VPS13B: variants seen among roughly 807,000 people sequenced by gnomAD.
VPS13B encodes intermembrane lipid transfer protein VPS13B.
Under a neutral mutation model 426.4 loss-of-function variants are expected in VPS13B, and 285 were observed. The observed-to-expected ratio is 0.67, with a 90% CI of 0.61 to 0.74. The LOEUF is 0.74. VPS13B is among the 30% of genes least tolerant of loss of function. The pLI is 0.00. For missense variants in VPS13B, 4,537 were observed against 4,782.6 expected (o/e 0.95, Z 1.51); for synonymous variants, 1,676 against 1,676.4 (o/e 1.00, Z 0.01).
chr8:99,779,924 C>G (rs2130684559), intron 42 of VPS13B, among the ~76,000 whole-genome samples: 1 of 152,242 alleles, frequency 6.6e-6, no homozygotes, highest in South Asian at 2.1e-4. Flanking sequence ...CACTGACCTC[C>G]TTTTGGGATG....
chr8:99,515,581 G>A (rs1038414444), intron 29 of VPS13B, among the ~76,000 whole-genome samples: 1 of 152,086 alleles, frequency 6.6e-6, no homozygotes, highest in Non-Finnish European at 1.5e-5. Flanking sequence ...GTTGTCTTTG[G>A]AAAACATAAT....
In VPS13B at chr8:99,661,508, A is replaced by G; in HGVS notation, c.6046+17A>G. 6.2e-7 allele frequency: 1 copy of G among 1,611,084 alleles called. No individual in the cohort carries two copies. The highest frequency in any genetic ancestry group is 8.5e-7 in the Non-Finnish European group (1 of 1,179,320). Reference sequence around the variant, plus strand: ...ATGGACCAGGTAAGAAAGTCATAAAATTTACATGTGTGTACATTTTTTATG... The same window carrying G: ...ATGGACCAGGTAAGAAAGTCATAAAGTTTACATGTGTGTACATTTTTTATG... On this transcript the variant is annotated intron_variant, in intron 35 of 61. Transcript: ENST00000357162.
At chr8:99,406,554 G>A (rs1271065425) in intron 21 of VPS13B, among the ~76,000 whole-genome samples, 1 of 152,124 alleles carries the variant, frequency 6.6e-6, no homozygotes, top group African/African-American at 2.4e-5. Context: ...CACTTCGTGT[G>A]CATAATCTTC....
intron 33 of VPS13B, among the ~76,000 whole-genome samples, chr8:99,614,710 A>G (rs962636976): frequency 2.0e-5 from 3 of 152,206 alleles, no homozygotes; most frequent in Admixed American, 6.5e-5. Context: ...ATGATTTAAA[A>G]CAGAACTTTA....
chr8:99,514,363 C>T (rs1045556858), intron 29 of VPS13B, among the ~76,000 whole-genome samples: 2 of 152,206 alleles, frequency 1.3e-5, no homozygotes, highest in African/African-American at 4.8e-5. Flanking sequence ...TAATTACATT[C>T]ATAATGTTGT....
chr8:99,847,393 A>AGGGAT, intron 54 of VPS13B, among the ~76,000 whole-genome samples: 1 of 152,330 alleles, frequency 6.6e-6, no homozygotes, highest in Non-Finnish European at 1.5e-5. Context: ...AGAATGTAGA[A>AGGGAT]GTAGGTGTCA....
At chr8:99,840,631 T>C (rs986405887) in intron 54 of VPS13B, among the ~76,000 whole-genome samples, 1 of 152,140 alleles carries the variant, frequency 6.6e-6, no homozygotes, top group Non-Finnish European at 1.5e-5. Context: ...AATAAGAAAA[T>C]GCATCTAAAA....
chr8:99,747,402 G>T (rs1203962442), intron 39 of VPS13B, among the ~76,000 whole-genome samples: 2 of 152,002 alleles, frequency 1.3e-5, no homozygotes, highest in Non-Finnish European at 2.9e-5. Context: ...TGTGATTAAG[G>T]ATATATAGGT....
At chr8:99,212,562 C>G (rs1012284746) in intron 17 of VPS13B, among the ~76,000 whole-genome samples, 1 of 152,172 alleles carries the variant, frequency 6.6e-6, no homozygotes, top group African/African-American at 2.4e-5. Flanking sequence ...TGAGAAATCT[C>G]AGAGAAATAG....
intron 31 of VPS13B, among the ~76,000 whole-genome samples, chr8:99,571,409 A>G (rs1825467002): frequency 6.6e-6 from 1 of 152,164 alleles, no homozygotes; most frequent in Non-Finnish European, 1.5e-5. Flanking sequence ...AATATTTACC[A>G]GAGATATCAT....
chr8:99,543,550 T>C (rs1157212055), intron 30 of VPS13B, among the ~76,000 whole-genome samples: 5 of 151,916 alleles, frequency 3.3e-5, no homozygotes, highest in Admixed American at 2.0e-4. Context: ...AGAAAATTTT[T>C]GCAACCTACT....
chr8:99,852,502 G>A (rs960906129), intron 55 of VPS13B, among the ~76,000 whole-genome samples: 1 of 152,216 alleles, frequency 6.6e-6, no homozygotes, highest in Non-Finnish European at 1.5e-5. Flanking sequence ...AGAAGTAGAA[G>A]AGCTGAGAGA....
At chr8:99,278,068 A>G (rs576007598) in intron 19 of VPS13B, among the ~76,000 whole-genome samples, 1 of 152,270 alleles carries the variant, frequency 6.6e-6, no homozygotes, top group South Asian at 2.1e-4. Flanking sequence ...GTTTTCAGAA[A>G]CAGATAGATG....
chr8:99,808,948 T>G (rs1813554697), intron 43 of VPS13B, among the ~76,000 whole-genome samples: 1 of 151,928 alleles, frequency 6.6e-6, no homozygotes, highest in Non-Finnish European at 1.5e-5. Flanking sequence ...AAAAAAGGTA[T>G]GACAATTGAT....
chr8:99,365,428 C>T (rs1409561302), intron 19 of VPS13B, among the ~76,000 whole-genome samples: 1 of 151,144 alleles, frequency 6.6e-6, no homozygotes, highest in East Asian at 1.9e-4. Flanking sequence ...TTATAAACTC[C>T]CCCTTAGTCC....
At chr8:99,340,561 G>T in intron 19 of VPS13B, 1 of 462,478 alleles carries the variant, frequency 2.2e-6, no homozygotes, top group Non-Finnish European at 4.3e-6. Flanking sequence ...CACCTGGGTG[G>T]TAATTATCAG....
chr8:99,332,803 T>C (rs1368547802), intron 19 of VPS13B, among the ~76,000 whole-genome samples: 1 of 151,754 alleles, frequency 6.6e-6, no homozygotes, highest in Non-Finnish European at 1.5e-5. Context: ...TTTTTGTCCA[T>C]TTATTTATGT....
intron 33 of VPS13B, among the ~76,000 whole-genome samples, chr8:99,599,218 T>C (rs936535734): frequency 4.1e-4 from 63 of 152,140 alleles, no homozygotes; most frequent in African/African-American, 1.5e-3. Context: ...GCCCCTGTCC[T>C]CTCAAGGTTA....
intron 39 of VPS13B, among the ~76,000 whole-genome samples, chr8:99,739,800 T>G (rs942072235): frequency 6.6e-6 from 1 of 152,084 alleles, no homozygotes; most frequent in African/African-American, 2.4e-5. Context: ...AGAAAGGACA[T>G]CCACACCAAA....
Sources: gnomAD v4.1 joint callset for allele counts (sites outside exome capture counted in the v4.1 genomes callset) on GRCh38, gnomAD v4.1.1 for gene constraint, MANE v1.5 for transcripts, NCBI Gene and HGNC (gene_info 2026-07-23, HGNC 2026-07-21) for gene names.